Variants in KLHDC2 observed in about 807,000 individuals in gnomAD.
The protein encoded by KLHDC2 is kelch domain containing 2, also known as kelch domain-containing protein 2.
In KLHDC2, 38 loss-of-function variants were observed where a neutral mutation model predicts 62.3. The ratio of observed to expected loss-of-function variants is 0.61; its 90% confidence interval spans 0.47 to 0.80. KLHDC2 has a LOEUF of 0.80. Among genes scored for constraint, KLHDC2 ranks in the 30% least tolerant of loss-of-function variants. The pLI, the probability that KLHDC2 is intolerant of heterozygous loss-of-function variation, is 0.00. For missense variants in KLHDC2, 430 were observed against 495.3 expected, an observed-to-expected ratio of 0.87 and a Z score of 1.25; for synonymous variants, 159 against 161.0, an observed-to-expected ratio of 0.99 and a Z score of 0.09.
At position 49,785,402 on chromosome 14, in the gene KLHDC2, A is replaced by T; in HGVS notation, c.*2449A>T. The T allele has an allele frequency of 1.1e-6, 1 of 898,296 alleles. No individual in the cohort carries two copies. The highest frequency in any genetic ancestry group is 1.9e-6 in the Non-Finnish European group (1 of 538,518). 55.6% of individuals were successfully genotyped at this position (898,296 alleles called of 1,614,324 possible). A position where few individuals can be genotyped will look rare whatever the true frequency, so the allele number is the denominator to read the frequency against. ...GCTAAAACACTTGAATTAGTATCTC[A>T]ACATATTTTTTATCTTTTCCTGATA... On this transcript the variant is annotated 3_prime_UTR_variant, in exon 13 of 13. Transcript: ENST00000298307.
Position 49,785,389 on chromosome 14 carries a change from G to GAATT in KLHDC2, c.*2438_*2441dup. 1.0e-6 allele frequency: 1 copy of GAATT among 981,432 alleles called. No homozygotes were observed. Among genetic ancestry groups the GAATT allele is most frequent in the Non-Finnish European group, 1.6e-6 (1 of 607,036 alleles). The allele number at this position is 981,432 out of a possible 1,614,324, so 60.8% of individuals were successfully genotyped here. A position where few individuals can be genotyped will look rare whatever the true frequency, so the allele number is the denominator to read the frequency against. On this transcript the variant is annotated 3_prime_UTR_variant, in exon 13 of 13. Transcript: ENST00000298307. ...CTTTACAAAAAATGCTAAAACACTT[G>GAATT]AATTAGTATCTCAACATATTTTTTA...
chr14:49,775,817 G>C (rs930799016), intron 3 of KLHDC2, among the ~76,000 whole-genome samples: 1 of 151,998 alleles, frequency 6.6e-6, no homozygotes. Context: ...AGTAGAGACA[G>C]GGTTTCGCCA....
chr14:49,778,830 TC>T (rs1889826508), intron 6 of KLHDC2, among the ~76,000 whole-genome samples: 2 of 151,992 alleles, frequency 1.3e-5, no homozygotes, highest in Non-Finnish European at 2.9e-5. Context: ...TTCAAGCGAT[TC>T]TCCTGCCTCA....
chr14:49,780,372 C>T (rs765948993), intron 9 of KLHDC2, 50 bp downstream of exon 9: 2 of 1,198,832 alleles, frequency 1.7e-6, no homozygotes, highest in Non-Finnish European at 2.5e-6. Context: ...TCATCCATAT[C>T]TAATAGCTGA....
rs1193060843 is a variant in KLHDC2 at position 49,768,628 on chromosome 14, G to T, written c.153+7G>T. On this transcript the variant is annotated splice_region_variant and intron_variant, in intron 1 of 12. Coordinates refer to ENST00000298307, the MANE Select transcript of KLHDC2 (RefSeq NM_014315.3). ...CGTCTGGGGCGGCTACAAGGTCAGT[G>T]AGTGGCCGGGCCGCGACGGACGTCG... The T allele has an allele frequency of 6.3e-7, 1 of 1,579,378 alleles. No individual in the cohort carries two copies. Among genetic ancestry groups the T allele is most frequent in the South Asian group, 1.2e-5 (1 of 86,860 alleles).
Position 49,785,050 on chromosome 14 carries a change from G to A in KLHDC2, c.*2097G>A. 1.9e-6 allele frequency: 3 copies of A among 1,604,166 alleles called. No homozygotes were observed. Among genetic ancestry groups the A allele is most frequent in the Non-Finnish European group, 2.6e-6 (3 of 1,171,250 alleles). ...AAGAATAATCTACTGTTAAGTCACT[G>A]AACTGTTTAAAATCATAATTCAAAA... On this transcript the variant is annotated 3_prime_UTR_variant, in exon 13 of 13. Coordinates refer to ENST00000298307, the MANE Select transcript of KLHDC2 (RefSeq NM_014315.3).
intron 1 of KLHDC2, 135 bp downstream of exon 1, chr14:49,768,756 C>A (rs554259126): frequency 4.2e-4 from 333 of 793,834 alleles, no homozygotes; most frequent in Middle Eastern, 4.0e-4. Context: ...TCAGACTCTG[C>A]CCGTTGGTTG....
chr14:49,779,457 A>G (rs2139799639), intron 6 of KLHDC2, 138 bp from the exon 7 acceptor site: 2 of 584,136 alleles, frequency 3.4e-6, no homozygotes, highest in Non-Finnish European at 6.1e-6. Context: ...CTTGTAGTAC[A>G]ACTGTTGTCT....
intron 9 of KLHDC2, 50 bp downstream of exon 9, chr14:49,780,372 C>G: frequency 8.3e-7 from 1 of 1,198,832 alleles, no homozygotes; most frequent in Non-Finnish European, 1.2e-6. Flanking sequence ...TCATCCATAT[C>G]TAATAGCTGA....
Position 49,784,813 on chromosome 14 carries a change from T to C in KLHDC2, c.*1860T>C, listed in dbSNP as rs1200220999. The C allele has an allele frequency of 8.6e-6, 12 of 1,388,994 alleles. No homozygotes were observed. The highest frequency in any genetic ancestry group is 1.2e-5 in the Non-Finnish European group (12 of 989,586). 86.0% of individuals were successfully genotyped at this position (1,388,994 alleles called of 1,614,324 possible). On this transcript the variant is annotated 3_prime_UTR_variant, in exon 13 of 13. Coordinates refer to ENST00000298307, the MANE Select transcript of KLHDC2 (RefSeq NM_014315.3). Reference sequence around the variant, plus strand: ...AACATTTCCAAACTTTTAGCTGAGATGGTTTTACTGCTTCTAATAAGACAG... The same window carrying C: ...AACATTTCCAAACTTTTAGCTGAGACGGTTTTACTGCTTCTAATAAGACAG...
intron 12 of KLHDC2, 93 bp from the exon 13 acceptor site, chr14:49,782,733 GAAGA>G (rs1308583430): frequency 1.1e-5 from 16 of 1,456,472 alleles, no homozygotes; most frequent in Middle Eastern, 1.9e-4. Flanking sequence ...GAAAATCTTT[GAAGA>G]AAGAAAGAGG....
chr14:49,781,003 T>G (rs560556143), intron 10 of KLHDC2, among the ~76,000 whole-genome samples: 7 of 152,352 alleles, frequency 4.6e-5, no homozygotes, highest in African/African-American at 1.7e-4. Context: ...TTCCTTCTGT[T>G]ATAAAATTGA....
In KLHDC2 at chr14:49,774,688, T is replaced by G; in HGVS notation, c.351+10T>G. On this transcript the variant is annotated intron_variant, in intron 3 of 12. Transcript: ENST00000298307. ...AGGCAATACCAATAAGGTTAGTGTT[T>G]CTAAGGATTATGGCTTGAGGCATTT... 1 of 1,490,364 alleles carries G rather than the reference T, an allele frequency of 6.7e-7. No homozygotes were observed. Among genetic ancestry groups the G allele is most frequent in the Non-Finnish European group, 9.4e-7 (1 of 1,067,148 alleles). 92.3% of individuals were successfully genotyped at this position (1,490,364 alleles called of 1,614,324 possible). A position where few individuals can be genotyped will look rare whatever the true frequency, so the allele number is the denominator to read the frequency against.
chr14:49,769,268 T>G (rs1027866536), intron 1 of KLHDC2, among the ~76,000 whole-genome samples: 21 of 152,202 alleles, frequency 1.4e-4, no homozygotes, highest in African/African-American at 4.6e-4. Context: ...AGTGCAGCTC[T>G]TTGACTCTCC....
At position 49,779,674 on chromosome 14, in the gene KLHDC2, G is replaced by A. The variant is rs1470256411; in HGVS notation, c.713G>A (p.Arg238Gln). Residue 238 changes from arginine (R) to glutamine (Q), a missense_variant and splice_region_variant, in exon 7 of 13, where the codon CGA becomes CAA. Physicochemically the swap from Arg to Gln is conservative, Grantham distance 43. Transcript: ENST00000298307. ...NRGFVFGGRY[R>Q]DARMNDLHYL... is the part of the protein sequence containing the mutation. ...GGCTTCGTGTTTGGAGGCAGATATC[G>A]AGTAAGTATTCAAACGACTTCAATG... The A allele has an allele frequency of 6.8e-6, 11 of 1,613,674 alleles. No homozygotes were observed. The highest frequency in any genetic ancestry group is 1.1e-5 in the South Asian group (1 of 91,062).
chr14:49,782,660 G>A (rs902301004), intron 12 of KLHDC2, 66 bp downstream of exon 12: 37 of 1,403,682 alleles, frequency 2.6e-5, no homozygotes, highest in South Asian at 6.5e-5. Flanking sequence ...TAGCACTCTC[G>A]AAAAACTAGG....
At chr14:49,768,677 T>G (rs1190498501) in intron 1 of KLHDC2, 56 bp downstream of exon 1, 96 of 1,470,348 alleles carry the variant, frequency 6.5e-5, no homozygotes, top group Non-Finnish European at 8.1e-5. Context: ...CGGGTCTGCG[T>G]TCGCGGCCAG....
rs145795502 is a variant in KLHDC2 at position 49,784,892 on chromosome 14, T to TC, written c.*1940dup. ...CTAACATTTTAAATTGTACTGTCAGTCTCCACATTCCTTTTCTGAAGGAGA... is the reference window on the plus strand; with the variant it reads ...CTAACATTTTAAATTGTACTGTCAGTCCTCCACATTCCTTTTCTGAAGGAGA... On this transcript the variant is annotated 3_prime_UTR_variant, in exon 13 of 13. Transcript: ENST00000298307. 191 of 1,557,900 alleles carry TC rather than the reference T, an allele frequency of 1.2e-4. No homozygotes were observed. In the African/African-American group the frequency reaches 2.4e-3, roughly 20 times the overall value.
chr14:49,785,435 C>T lies in KLHDC2; in HGVS notation c.*2482C>T. 1 of 705,722 alleles carries T rather than the reference C, an allele frequency of 1.4e-6. No homozygotes were observed. The allele number at this position is 705,722 out of a possible 1,614,324, so 43.7% of individuals were successfully genotyped here. On this transcript the variant is annotated 3_prime_UTR_variant, in exon 13 of 13. Coordinates refer to ENST00000298307, the MANE Select transcript of KLHDC2 (RefSeq NM_014315.3). ...TTTTATCTTTTCCTGATATACATAC[C>T]ATCTAAGCTGGAACAGTGGTACTTA...
Sources: allele counts gnomAD v4.1 joint callset (sites outside exome capture counted in the v4.1 genomes callset), GRCh38; gene constraint gnomAD v4.1.1; transcripts MANE v1.5; gene names NCBI Gene and HGNC (gene_info 2026-07-23, HGNC 2026-07-21).